The following CPQ variants were observed in gnomAD, a reference collection of about 807,000 sequenced individuals.
The protein encoded by CPQ is carboxypeptidase Q, also known as Ser-Met dipeptidase.
A neutral mutation model predicts 45.7 loss-of-function variants in CPQ; 37 were observed. The observed-to-expected ratio is 0.81, with a 90% CI of 0.62 to 1.07. The LOEUF (loss-of-function observed/expected upper bound fraction) is 1.07, where lower values mean the gene tolerates loss of function less well. Ranked by LOEUF, CPQ falls within the 50% of genes least tolerant of loss-of-function variation. CPQ has a pLI of 0.00. For missense variants in CPQ, 537 were observed against 572.9 expected (o/e 0.94, Z 0.64); for synonymous variants, 186 against 205.8 (o/e 0.90, Z 0.82).
rs544428423 is a variant in CPQ, at chr8:96,662,410, A to G, written c.-35+17008A>G. On this transcript the variant is annotated intron_variant, in intron 1 of 7. Coordinates refer to ENST00000220763, the MANE Select transcript of CPQ (RefSeq NM_016134.4). ...TTTTGATAATCGCATCTTCTTCTGC[A>G]TTGCATTTTTCAGGGCAGAGTATTA... Among the ~76,000 whole-genome samples the G allele has an allele frequency of 6.6e-5, 10 of 152,318 alleles. No homozygotes were observed. In the South Asian group the frequency reaches 1.4e-3, roughly 22 times the overall value.
intron 2 of CPQ, among the ~76,000 whole-genome samples, chr8:96,790,212 C>T: frequency 6.6e-6 from 1 of 152,058 alleles, no homozygotes; most frequent in East Asian, 1.9e-4. Flanking sequence ...TTCTCTCTTC[C>T]CCCAGGAGAA....
At chr8:96,963,030 A>G (rs1215614837) in intron 4 of CPQ, among the ~76,000 whole-genome samples, 1 of 152,214 alleles carries the variant, frequency 6.6e-6, no homozygotes, top group Non-Finnish European at 1.5e-5. Flanking sequence ...TTCAAAAACC[A>G]TCTTTCCAAT....
At chr8:97,080,933 TTTCC>T (rs762353071) in intron 7 of CPQ, among the ~76,000 whole-genome samples, 14 of 151,694 alleles carry the variant, frequency 9.2e-5, no homozygotes, top group African/African-American at 3.2e-4. Context: ...TCCTTCCTTC[TTTCC>T]TTCCTTCCTT....
chr8:96,784,399 T>TTG (rs376534066), intron 1 of CPQ, among the ~76,000 whole-genome samples: 1 of 128,208 alleles, frequency 7.8e-6, no homozygotes. Context: ...TGTTCTGAGG[T>TTG]GGGGGGGGGG....
At chr8:97,019,285 A>G (rs1390476721) in intron 5 of CPQ, among the ~76,000 whole-genome samples, 1 of 152,238 alleles carries the variant, frequency 6.6e-6, no homozygotes, top group East Asian at 1.9e-4. Context: ...TCTTTAAAGC[A>G]TAAATCACAC....
At chr8:96,838,944 A>C (rs1276040852) in intron 3 of CPQ, among the ~76,000 whole-genome samples, 2 of 152,184 alleles carry the variant, frequency 1.3e-5, no homozygotes, top group African/African-American at 4.8e-5. Context: ...TTTTTCTGCC[A>C]CTACACTTAT....
At chr8:96,920,451 C>T (rs1260874478) in intron 4 of CPQ, among the ~76,000 whole-genome samples, 2 of 152,068 alleles carry the variant, frequency 1.3e-5, no homozygotes, top group Non-Finnish European at 2.9e-5. Flanking sequence ...ATATTCTTTC[C>T]AAATGCTGTA....
At chr8:96,717,788 C>A (rs113896047) in intron 1 of CPQ, among the ~76,000 whole-genome samples, 100 of 152,180 alleles carry the variant, frequency 6.6e-4, no homozygotes, top group Admixed American at 1.9e-3. Flanking sequence ...CGTGTGGGCA[C>A]AAGCAGTGGC....
intron 1 of CPQ, among the ~76,000 whole-genome samples, chr8:96,682,367 T>G (rs1809163780): frequency 6.6e-6 from 1 of 152,262 alleles, no homozygotes; most frequent in Non-Finnish European, 1.5e-5. Context: ...AGTTTCCCTA[T>G]ACAAGCTCTC....
At chr8:96,972,984 T>G (rs1164015482) in intron 5 of CPQ, among the ~76,000 whole-genome samples, 1 of 151,834 alleles carries the variant, frequency 6.6e-6, no homozygotes, top group Admixed American at 6.6e-5. Context: ...TTCTTTTACA[T>G]CCCCCAAAAG....
intron 6 of CPQ, among the ~76,000 whole-genome samples, chr8:97,047,129 C>G (rs1302088892): frequency 6.6e-6 from 1 of 152,134 alleles, no homozygotes; most frequent in Non-Finnish European, 1.5e-5. Flanking sequence ...ATAAATTACG[C>G]TTTCGTGGAC....
At chr8:96,992,344 G>A (rs1430086272) in intron 5 of CPQ, among the ~76,000 whole-genome samples, 1 of 152,146 alleles carries the variant, frequency 6.6e-6, no homozygotes, top group African/African-American at 2.4e-5. Context: ...GGAGAAAGCA[G>A]GGCCTTTAGC....
At chr8:97,111,916 G>A (rs1322418346) in intron 7 of CPQ, among the ~76,000 whole-genome samples, 1 of 152,092 alleles carries the variant, frequency 6.6e-6, no homozygotes, top group African/African-American at 2.4e-5. Context: ...ATATCTTCCT[G>A]AAGAACAGCC....
intron 1 of CPQ, among the ~76,000 whole-genome samples, chr8:96,685,413 TTA>T (rs1174455578): frequency 4.6e-5 from 7 of 152,222 alleles, no homozygotes; most frequent in African/African-American, 1.7e-4. Flanking sequence ...GTAAGGTGTG[TTA>T]TATATATCTA....
chr8:96,802,933 T>C (rs943733474), intron 2 of CPQ, among the ~76,000 whole-genome samples: 1 of 152,074 alleles, frequency 6.6e-6, no homozygotes, highest in African/African-American at 2.4e-5. Context: ...TGTTGGTGAT[T>C]ATTATCTCTT....
chr8:97,105,374 G>A (rs909824685), intron 7 of CPQ, among the ~76,000 whole-genome samples: 2 of 152,106 alleles, frequency 1.3e-5, no homozygotes, highest in Non-Finnish European at 2.9e-5. Context: ...GTTTATCCAG[G>A]TTGTAGCATG....
intron 4 of CPQ, among the ~76,000 whole-genome samples, chr8:96,915,673 C>A (rs549282736): frequency 6.6e-6 from 1 of 152,098 alleles, no homozygotes; most frequent in Admixed American, 6.5e-5. Flanking sequence ...TTGAGGGTCA[C>A]GTATCCCTGC....
At chr8:97,016,537 A>G (rs1291172974) in intron 5 of CPQ, among the ~76,000 whole-genome samples, 1 of 152,222 alleles carries the variant, frequency 6.6e-6, no homozygotes, top group Non-Finnish European at 1.5e-5. Flanking sequence ...CCAGATTATG[A>G]AAAAGGGAAA....
chr8:96,905,760 C>CAAAAAAAAAAAA (rs747470074), intron 4 of CPQ, among the ~76,000 whole-genome samples: 2 of 64,848 alleles, frequency 3.1e-5, no homozygotes, highest in Non-Finnish European at 3.2e-5. Context: ...CTGTCTTAAC[C>CAAAAAAAAAAAA]AAAAAAAAAA....
Sources: allele counts gnomAD v4.1 joint callset (sites outside exome capture counted in the v4.1 genomes callset), GRCh38; gene constraint gnomAD v4.1.1; transcripts MANE v1.5; gene names NCBI Gene and HGNC (gene_info 2026-07-23, HGNC 2026-07-21).